Variants in CDKAL1 observed in about 807,000 individuals in gnomAD.
CDKAL1 encodes threonylcarbamoyladenosine tRNA methylthiotransferase.
CDKAL1 carries 32 observed loss-of-function variants against 68.2 expected under a neutral mutation model. The ratio of observed to expected loss-of-function variants is 0.47; its 90% confidence interval spans 0.35 to 0.63. The LOEUF is 0.63. Ranked by LOEUF, CDKAL1 falls within the 30% of genes least tolerant of loss-of-function variation. The pLI is 0.00. For missense variants in CDKAL1, 606 were observed against 696.7 expected, an observed-to-expected ratio of 0.87 and a Z score of 1.47; for synonymous variants, 234 against 244.3, an observed-to-expected ratio of 0.96 and a Z score of 0.39.
At chr6:21,076,527 A>T in intron 12 of CDKAL1, among the ~76,000 whole-genome samples, 1 of 152,198 alleles carries the variant, frequency 6.6e-6, no homozygotes. Context: ...AGGTTGCCTT[A>T]ATGGAAGGAA....
At chr6:20,702,614 C>A (rs1771418467) in intron 5 of CDKAL1, among the ~76,000 whole-genome samples, 2 of 149,948 alleles carry the variant, frequency 1.3e-5, no homozygotes, top group Non-Finnish European at 3.0e-5. Context: ...CTGCTGGTGT[C>A]TGTTGTGTGC....
chr6:21,105,572 T>C (rs1432234881), intron 12 of CDKAL1, among the ~76,000 whole-genome samples: 1 of 152,210 alleles, frequency 6.6e-6, no homozygotes, highest in Non-Finnish European at 1.5e-5. Flanking sequence ...ACTGCTTAAC[T>C]AAGGAGATGC....
In CDKAL1 at chr6:21,074,152, G is replaced by A. The variant is rs140824202; in HGVS notation, c.1236+8924G>A. Among the ~76,000 whole-genome samples the A allele has an allele frequency of 2.5e-4, 38 of 152,270 alleles. 1 individual carries two copies. The highest frequency in any genetic ancestry group is 8.2e-4 in the African/African-American group (34 of 41,566). ...TATCTGACGATTCTAGAGGCTACAA[G>A]TACAAAGAAAAGCCTCTTCTCCCTC... On this transcript the variant is annotated intron_variant, in intron 12 of 15. Coordinates refer to ENST00000274695, the MANE Select transcript of CDKAL1 (RefSeq NM_017774.3).
intron 13 of CDKAL1, among the ~76,000 whole-genome samples, chr6:21,168,544 A>G (rs780802755): frequency 6.6e-6 from 1 of 152,232 alleles, no homozygotes; most frequent in Non-Finnish European, 1.5e-5. Context: ...CTTGGACTCA[A>G]AGCTATTGTC....
chr6:20,781,255 A>C lies in CDKAL1; in HGVS notation c.628A>C (p.Ile210Leu). 2 of 1,612,664 alleles carry C rather than the reference A, an allele frequency of 1.2e-6. No individual in the cohort carries two copies. The highest frequency in any genetic ancestry group is 4.5e-5 in the East Asian group (2 of 44,798). The stretch of plus-strand genomic sequence containing the variant: ...GAATCCACTGATAGAAATCATTTCC[A>C]TCAATACCGGGTAAGCATCTCTCAA... ...RKNPLIEIISINTGCLNACTY... is the reference protein window; with the variant it reads ...RKNPLIEIISLNTGCLNACTY... Residue 210 changes from isoleucine (I) to leucine (L), a missense_variant, in exon 8 of 16, where the codon ATC becomes CTC. Physicochemically the swap from Ile to Leu is conservative, Grantham distance 5 (BLOSUM62 2). Transcript: ENST00000274695.
rs1208580863 is a variant in CDKAL1, at chr6:21,231,066, A to G, written c.*27A>G. 6.7e-7 allele frequency: 1 copy of G among 1,500,574 alleles called. No individual in the cohort carries two copies. The highest frequency in any genetic ancestry group is 1.2e-5 in the South Asian group (1 of 80,942). 93.0% of individuals were successfully genotyped at this position (1,500,574 alleles called of 1,614,324 possible). A position where few individuals can be genotyped will look rare whatever the true frequency, so the allele number is the denominator to read the frequency against. ...ATACAACTAATGGAAACATCTATAA[A>G]GAAGAATACATTTCTAATTAAAATC... On this transcript the variant is annotated 3_prime_UTR_variant, in exon 16 of 16. Coordinates refer to ENST00000274695, the MANE Select transcript of CDKAL1 (RefSeq NM_017774.3).
At chr6:20,625,038 A>G (rs1485906439) in intron 4 of CDKAL1, among the ~76,000 whole-genome samples, 2 of 152,080 alleles carry the variant, frequency 1.3e-5, no homozygotes, top group East Asian at 3.8e-4. Context: ...AGCACATATA[A>G]TTCAAAAAGA....
chr6:20,750,951 GAAAAAAAAAAAAAAAAAAAAAA>G (rs59244637), intron 6 of CDKAL1, among the ~76,000 whole-genome samples: 2 of 47,074 alleles, frequency 4.2e-5, no homozygotes, highest in Non-Finnish European at 6.8e-5. Flanking sequence ...GCAACAGAGT[GAAAAAAAAAAAAAAAAAAAAAA>G]AAAAAAAAAA....
intron 6 of CDKAL1, among the ~76,000 whole-genome samples, chr6:20,758,271 CAT>C (rs1407526640): frequency 1.3e-5 from 2 of 152,006 alleles, no homozygotes; most frequent in African/African-American, 4.8e-5. Flanking sequence ...TGTGAGAAGA[CAT>C]GTGTTAATTA....
intron 12 of CDKAL1, among the ~76,000 whole-genome samples, chr6:21,090,296 A>G (rs980026918): frequency 6.6e-6 from 1 of 152,322 alleles, no homozygotes; most frequent in African/African-American, 2.4e-5. Flanking sequence ...TCTAATCTTC[A>G]TGGCATTCCT....
At chr6:21,160,873 A>C (rs1776897196) in intron 13 of CDKAL1, among the ~76,000 whole-genome samples, 1 of 149,316 alleles carries the variant, frequency 6.7e-6, no homozygotes, top group Non-Finnish European at 1.5e-5. Flanking sequence ...CTTGCCCCCC[A>C]CTCTCCGATG....
At chr6:20,674,596 A>C (rs1770003105) in intron 5 of CDKAL1, among the ~76,000 whole-genome samples, 1 of 152,158 alleles carries the variant, frequency 6.6e-6, no homozygotes, top group African/African-American at 2.4e-5. Flanking sequence ...GAACATTAAA[A>C]ATCCTCTCTT....
Position 20,986,489 on chromosome 6 carries a change from TA to T in CDKAL1, c.910-13737del, listed in dbSNP as rs564418228. 1.2e-4 allele frequency among the ~76,000 whole-genome samples: 19 copies of T among 152,246 alleles called. No individual in the cohort carries two copies. The South Asian group carries it at 3.7e-3, about 30-fold the overall frequency. ...GTATATTTTTAAAGAACAATGGAGA[TA>T]TTTTTTCATTACTTTATGTGCACTA... On this transcript the variant is annotated intron_variant, in intron 10 of 15. Coordinates refer to ENST00000274695, the MANE Select transcript of CDKAL1 (RefSeq NM_017774.3).
chr6:21,227,353 T>A (rs1462266059), intron 15 of CDKAL1, among the ~76,000 whole-genome samples: 1 of 152,240 alleles, frequency 6.6e-6, no homozygotes, highest in Non-Finnish European at 1.5e-5. Context: ...TTCTTAAGTA[T>A]CTCAGTGGTA....
At chr6:20,649,671 T>G (rs1768657491) in intron 5 of CDKAL1, among the ~76,000 whole-genome samples, 1 of 152,190 alleles carries the variant, frequency 6.6e-6, no homozygotes, top group Admixed American at 6.5e-5. Flanking sequence ...ACCCATCACC[T>G]AGGTATTAAG....
At chr6:20,925,173 C>CA (rs34787947) in intron 9 of CDKAL1, among the ~76,000 whole-genome samples, 5 of 150,544 alleles carry the variant, frequency 3.3e-5, no homozygotes, top group African/African-American at 9.7e-5. Context: ...CTTTCACCAG[C>CA]AAAAAAAAAT....
chr6:21,149,378 TC>T (rs1776307654), intron 13 of CDKAL1, among the ~76,000 whole-genome samples: 2 of 152,094 alleles, frequency 1.3e-5, no homozygotes, highest in African/African-American at 4.8e-5. Context: ...ACTCCTGACT[TC>T]AAGTAATTTG....
intron 12 of CDKAL1, among the ~76,000 whole-genome samples, chr6:21,070,800 C>G (rs1771729822): frequency 6.6e-6 from 1 of 152,094 alleles, no homozygotes; most frequent in Non-Finnish European, 1.5e-5. Context: ...TTTCCTATTT[C>G]CTTGGTATTC....
At chr6:20,939,806 T>C (rs944792105) in intron 9 of CDKAL1, among the ~76,000 whole-genome samples, 2 of 152,174 alleles carry the variant, frequency 1.3e-5, no homozygotes, top group African/African-American at 2.4e-5. Flanking sequence ...CAAGAAAAGT[T>C]GTATAGATCA....
Sources: gnomAD v4.1 joint callset for allele counts (sites outside exome capture counted in the v4.1 genomes callset) on GRCh38, gnomAD v4.1.1 for gene constraint, MANE v1.5 for transcripts, NCBI Gene and HGNC (gene_info 2026-07-23, HGNC 2026-07-21) for gene names.